POM121C: variants seen among roughly 807,000 people sequenced by gnomAD.
POM121C encodes the protein nuclear envelope pore membrane protein POM 121C.
Under a neutral mutation model 66.4 loss-of-function variants are expected in POM121C, and 20 were observed. That is an observed-to-expected ratio of 0.30 (90% CI 0.21 to 0.44). The LOEUF (loss-of-function observed/expected upper bound fraction) is 0.44. POM121C is among the 20% of genes least tolerant of loss of function. POM121C has a pLI of 1.00. For missense variants in POM121C, 580 were observed against 1,225.7 expected (o/e 0.47, Z 7.87); for synonymous variants, 286 against 528.0 (o/e 0.54, Z 6.28).
In POM121C at chr7:75,429,589, C is replaced by T. The variant is rs180945815; in HGVS notation, c.481-3136G>A. 5.9e-5 allele frequency among the ~76,000 whole-genome samples: 9 copies of T among 152,290 alleles called. No individual in the cohort carries two copies. In the East Asian group the frequency reaches 1.7e-3, roughly 29 times the overall value. On this transcript the variant is annotated intron_variant, in intron 7 of 14. Transcript: ENST00000615331. The stretch of plus-strand genomic sequence containing the variant: ...GAGGGTGCAGTGAGCCGAGATTGTG[C>T]CACTGCACTCCAGCCTGGGCGACAG...
At chr7:75,470,911 G>C (rs1410873661) in intron 3 of POM121C, among the ~76,000 whole-genome samples, 3 of 152,128 alleles carry the variant, frequency 2.0e-5, no homozygotes, top group African/African-American at 7.2e-5. Flanking sequence ...TGGGATTACA[G>C]GCATAAGCCA....
At chr7:75,461,284 A>G (rs587723575) in intron 3 of POM121C, among the ~76,000 whole-genome samples, 1 of 152,256 alleles carries the variant, frequency 6.6e-6, no homozygotes, top group Non-Finnish European at 1.5e-5. Flanking sequence ...AAATCAGCAA[A>G]CAATACAATA....
chr7:75,467,924 GT>G (rs1226382760), intron 3 of POM121C, among the ~76,000 whole-genome samples: 2 of 152,048 alleles, frequency 1.3e-5, no homozygotes, highest in Middle Eastern at 3.4e-3. Flanking sequence ...GGGGTCAGGA[GT>G]TTGAGACCAG....
intron 5 of POM121C, among the ~76,000 whole-genome samples, chr7:75,440,289 C>T (rs1253377186): frequency 2.0e-5 from 3 of 151,230 alleles, no homozygotes; most frequent in Admixed American, 6.6e-5. Flanking sequence ...ACTGGTGGGC[C>T]GGGCGCCATG....
chr7:75,468,252 T>C lies in POM121C; in HGVS notation c.-152+6452A>G, dbSNP rs587772035. 2.7e-5 allele frequency among the ~76,000 whole-genome samples: 4 copies of C among 150,374 alleles called. No individual in the cohort carries two copies. In the East Asian group the frequency reaches 7.8e-4, roughly 29 times the overall value. On this transcript the variant is annotated intron_variant, in intron 3 of 14. Transcript: ENST00000615331. Reference sequence around the variant, plus strand: ...AGTCGGAGACAAACTATACAACGCCTTCCCAGGTATCTCATCCCGTTTCTT... The same window carrying C: ...AGTCGGAGACAAACTATACAACGCCCTCCCAGGTATCTCATCCCGTTTCTT...
chr7:75,439,280 A>G (rs1349683097), intron 5 of POM121C, 56 bp from the exon 6 acceptor site: 2 of 1,606,264 alleles, frequency 1.2e-6, no homozygotes, highest in Admixed American at 1.7e-5. Flanking sequence ...TTGTCCCTTT[A>G]AAGTGTATTC....
chr7:75,419,266 A>C (rs138495895), intron 14 of POM121C, 54 bp downstream of exon 14: 1 of 1,557,314 alleles, frequency 6.4e-7, no homozygotes, highest in Non-Finnish European at 8.7e-7. Context: ...CTGCCACCCC[A>C]CCCAACCTCT....
At chr7:75,447,762 G>A (rs587620916) in intron 3 of POM121C, among the ~76,000 whole-genome samples, 1 of 151,672 alleles carries the variant, frequency 6.6e-6, no homozygotes, top group South Asian at 2.1e-4. Flanking sequence ...AGTGGCTCAC[G>A]CCTGTAATCC....
intron 3 of POM121C, among the ~76,000 whole-genome samples, chr7:75,472,325 C>T (rs56945043): frequency 0.16 from 24,021 of 151,308 alleles, 2,432 homozygotes; most frequent in African/African-American, 0.28. Context: ...AACTCCTGGC[C>T]AACAGACTGA....
rs1242004558 is a variant in POM121C, at chr7:75,416,881, G to C, written c.*1915C>G. The stretch of plus-strand genomic sequence containing the variant: ...TCCAACTAGACTCAACAGGAATGAA[G>C]TCTCTATTTGTAATGGAAAGTCCCA... On this transcript the variant is annotated 3_prime_UTR_variant, in exon 15 of 15. Transcript: ENST00000615331. 5.6e-6 allele frequency: 8 copies of C among 1,438,216 alleles called. No individual in the cohort carries two copies. The highest frequency in any genetic ancestry group is 5.5e-6 in the Non-Finnish European group (6 of 1,100,458). 89.1% of individuals were successfully genotyped at this position (1,438,216 alleles called of 1,614,324 possible).
At chr7:75,469,313 G>A (rs1309048033) in intron 3 of POM121C, among the ~76,000 whole-genome samples, 1 of 152,078 alleles carries the variant, frequency 6.6e-6, no homozygotes, top group Non-Finnish European at 1.5e-5. Flanking sequence ...TCCCAGGCTA[G>A]CCTTGATCTC....
chr7:75,430,909 T>C (rs1233033376), intron 7 of POM121C, among the ~76,000 whole-genome samples: 2 of 151,618 alleles, frequency 1.3e-5, no homozygotes, highest in African/African-American at 4.8e-5. Context: ...ACCCTGTCTT[T>C]ACTAAAAATA....
chr7:75,460,655 G>C (rs1372701418), intron 3 of POM121C, among the ~76,000 whole-genome samples: 1 of 152,104 alleles, frequency 6.6e-6, no homozygotes, highest in Non-Finnish European at 1.5e-5. Flanking sequence ...CTAACAACCA[G>C]AGACATACTT....
intron 7 of POM121C, among the ~76,000 whole-genome samples, chr7:75,433,234 CAAAAAAA>C (rs782004307): frequency 2.3e-5 from 1 of 44,250 alleles, no homozygotes; most frequent in Non-Finnish European, 4.3e-5. Flanking sequence ...GACTCTGTCT[CAAAAAAA>C]AAAAAAAAAA....
intron 3 of POM121C, among the ~76,000 whole-genome samples, chr7:75,473,837 C>T (rs1260444021): frequency 4.6e-5 from 7 of 151,798 alleles, no homozygotes; most frequent in Non-Finnish European, 7.4e-5. Context: ...TACAGGCGCC[C>T]GCCACTACGT....
chr7:75,440,919 G>C (rs587741660), intron 5 of POM121C, 35 bp downstream of exon 5: 1 of 1,613,764 alleles, frequency 6.2e-7, no homozygotes, highest in South Asian at 1.1e-5. Flanking sequence ...GGGTCCAAGC[G>C]GGAAACTGGC....
chr7:75,473,686 G>T (rs1200342409), intron 3 of POM121C, among the ~76,000 whole-genome samples: 17 of 147,712 alleles, frequency 1.2e-4, no homozygotes, highest in Admixed American at 2.7e-4. Context: ...TTGTTTGTTT[G>T]TTTGTTTTTT....
At chr7:75,473,279 T>C (rs1791941511) in intron 3 of POM121C, among the ~76,000 whole-genome samples, 1 of 151,834 alleles carries the variant, frequency 6.6e-6, no homozygotes, top group South Asian at 2.1e-4. Flanking sequence ...GTCTTAGAAG[T>C]TGAGATTAGA....
intron 7 of POM121C, among the ~76,000 whole-genome samples, chr7:75,432,645 T>TA (rs1160933973): frequency 7.2e-5 from 11 of 152,086 alleles, no homozygotes; most frequent in East Asian, 1.9e-4. Flanking sequence ...TATACTCTAG[T>TA]AAAAAAGGCC....
Sources: gnomAD v4.1 joint callset for allele counts (sites outside exome capture counted in the v4.1 genomes callset) on GRCh38, gnomAD v4.1.1 for gene constraint, MANE v1.5 for transcripts, NCBI Gene and HGNC (gene_info 2026-07-23, HGNC 2026-07-21) for gene names.